KIAA1549L: variants seen among roughly 807,000 people sequenced by gnomAD.
The protein encoded by KIAA1549L is KIAA1549 like.
In KIAA1549L, 88 loss-of-function variants were observed where a neutral mutation model predicts 160.7. That is an observed-to-expected ratio of 0.55 (90% CI 0.46 to 0.65). KIAA1549L has a LOEUF of 0.65. KIAA1549L is among the 30% of genes least tolerant of loss of function. KIAA1549L has a pLI of 0.00. For missense variants in KIAA1549L, 2,258 were observed against 2,437.5 expected (o/e 0.93, Z 1.55); for synonymous variants, 950 against 976.7 (o/e 0.97, Z 0.51).
At chr11:33,568,277 G>T (rs760829333) in intron 9 of KIAA1549L, 50 bp downstream of exon 9, 4 of 1,542,576 alleles carry the variant, frequency 2.6e-6, no homozygotes, top group African/African-American at 1.4e-5. Context: ...GGGGTAGAGG[G>T]GGGGATGTGC....
At chr11:33,501,327 G>T (rs1852943328) in intron 1 of KIAA1549L, among the ~76,000 whole-genome samples, 1 of 152,190 alleles carries the variant, frequency 6.6e-6, no homozygotes, top group African/African-American at 2.4e-5. Context: ...TCTTGCTGGT[G>T]CTGTCAAAAA....
At chr11:33,474,664 A>G (rs777991448) in intron 1 of KIAA1549L, among the ~76,000 whole-genome samples, 5 of 152,220 alleles carry the variant, frequency 3.3e-5, no homozygotes, top group Non-Finnish European at 7.3e-5. Context: ...TAAAAGAGAG[A>G]TAATGATAAT....
rs1015880047 is a variant in KIAA1549L, at chr11:33,638,245, A to C, written c.5410-7441A>C. On this transcript the variant is annotated intron_variant, in intron 16 of 20. Coordinates refer to ENST00000658780, the MANE Select transcript of KIAA1549L (RefSeq NM_012194.3). The stretch of plus-strand genomic sequence containing the variant: ...TTCATCACTCCCAGAAAACTCCCTC[A>C]CTTTTTTTTTCAGTCAATATTCAGC... Among the ~76,000 whole-genome samples, 6 of 151,790 alleles carry C rather than the reference A, an allele frequency of 4.0e-5. No homozygotes were observed. The South Asian group carries it at 8.4e-4, about 21-fold the overall frequency.
intron 1 of KIAA1549L, among the ~76,000 whole-genome samples, chr11:33,497,307 G>T (rs1162102034): frequency 6.6e-6 from 1 of 152,148 alleles, no homozygotes; most frequent in Non-Finnish European, 1.5e-5. Flanking sequence ...AACCTAATAT[G>T]CAGCCTCAAC....
chr11:33,401,776 A>G (rs923095900), intron 1 of KIAA1549L, among the ~76,000 whole-genome samples: 3 of 152,126 alleles, frequency 2.0e-5, no homozygotes, highest in Admixed American at 6.5e-5. Flanking sequence ...CAGCCTCCCA[A>G]GGTGCTGGGA....
intron 16 of KIAA1549L, among the ~76,000 whole-genome samples, chr11:33,635,155 A>G (rs1851405847): frequency 6.6e-6 from 1 of 152,142 alleles, no homozygotes; most frequent in African/African-American, 2.4e-5. Context: ...ACTTCCTGAA[A>G]TGTGGTTTCC....
At chr11:33,408,970 AAT>A (rs1850731660) in intron 1 of KIAA1549L, among the ~76,000 whole-genome samples, 1 of 150,580 alleles carries the variant, frequency 6.6e-6, no homozygotes, top group African/African-American at 2.4e-5. Flanking sequence ...AAAAAAAAAA[AAT>A]TAGGTATCCT....
chr11:33,621,577 GC>G (rs1850959062), intron 16 of KIAA1549L, among the ~76,000 whole-genome samples: 1 of 151,840 alleles, frequency 6.6e-6, no homozygotes. Flanking sequence ...ATGTGTAAAA[GC>G]AAAAATATCT....
chr11:33,647,071 A>G (rs1032819372), intron 17 of KIAA1549L, among the ~76,000 whole-genome samples: 3 of 152,216 alleles, frequency 2.0e-5, no homozygotes, highest in African/African-American at 7.2e-5. Flanking sequence ...AATGCTTGGT[A>G]CGTAGGAAAT....
intron 1 of KIAA1549L, among the ~76,000 whole-genome samples, chr11:33,492,550 T>A (rs1852702321): frequency 6.6e-6 from 1 of 152,158 alleles, no homozygotes; most frequent in African/African-American, 2.4e-5. Flanking sequence ...TTCGCACAGG[T>A]AATAGTCCTG....
At chr11:33,516,670 A>G (rs1200647600) in intron 1 of KIAA1549L, among the ~76,000 whole-genome samples, 1 of 152,084 alleles carries the variant, frequency 6.6e-6, no homozygotes, top group Non-Finnish European at 1.5e-5. Context: ...TTTCTTCCTA[A>G]TTATTCAGTC....
At chr11:33,575,118 T>A (rs1031480386) in intron 10 of KIAA1549L, among the ~76,000 whole-genome samples, 2 of 152,224 alleles carry the variant, frequency 1.3e-5, no homozygotes, top group Non-Finnish European at 1.5e-5. Flanking sequence ...TTCCTCAGCA[T>A]AATCTAGTGA....
intron 11 of KIAA1549L, among the ~76,000 whole-genome samples, chr11:33,585,241 G>A (rs1010593043): frequency 2.6e-5 from 4 of 152,308 alleles, no homozygotes; most frequent in African/African-American, 4.8e-5. Context: ...CATTTTGGCC[G>A]GGCGCGGTGG....
intron 16 of KIAA1549L, among the ~76,000 whole-genome samples, chr11:33,630,323 C>T (rs552326027): frequency 5.8e-4 from 88 of 152,362 alleles, no homozygotes; most frequent in Admixed American, 7.8e-4. Flanking sequence ...TCGAGCTTCC[C>T]GGCTGCTTTG....
At chr11:33,585,382 G>T (rs1473758772) in intron 11 of KIAA1549L, among the ~76,000 whole-genome samples, 3 of 152,256 alleles carry the variant, frequency 2.0e-5, no homozygotes, top group African/African-American at 7.2e-5. Flanking sequence ...GCTGGGTGTG[G>T]TGGCGCACAC....
At chr11:33,496,731 A>G (rs936621773) in intron 1 of KIAA1549L, among the ~76,000 whole-genome samples, 2 of 152,148 alleles carry the variant, frequency 1.3e-5, no homozygotes, top group African/African-American at 2.4e-5. Context: ...CAGCCAGAGT[A>G]TCTTTTAAAT....
At chr11:33,524,195 T>C (rs1356437739) in intron 1 of KIAA1549L, among the ~76,000 whole-genome samples, 1 of 152,218 alleles carries the variant, frequency 6.6e-6, no homozygotes, top group African/African-American at 2.4e-5. Flanking sequence ...ATTTTGATTA[T>C]CGACATTATT....
chr11:33,534,842 C>T (rs980990842), intron 1 of KIAA1549L, among the ~76,000 whole-genome samples: 2 of 152,164 alleles, frequency 1.3e-5, no homozygotes, highest in East Asian at 3.8e-4. Context: ...ACCTTGTGAT[C>T]TCCCTTCTTC....
chr11:33,578,777 C>A (rs1157315575), intron 10 of KIAA1549L, among the ~76,000 whole-genome samples: 14 of 152,180 alleles, frequency 9.2e-5, no homozygotes, highest in Admixed American at 8.5e-4. Context: ...TTCCTTGAAG[C>A]CTTCCTTGGC....
Sources: gnomAD v4.1 joint callset for allele counts (sites outside exome capture counted in the v4.1 genomes callset) on GRCh38, gnomAD v4.1.1 for gene constraint, MANE v1.5 for transcripts, NCBI Gene and HGNC (gene_info 2026-07-23, HGNC 2026-07-21) for gene names.